MEGF6: variants seen among roughly 807,000 people sequenced by gnomAD.
MEGF6 encodes multiple epidermal growth factor-like domains protein 6.
In MEGF6, 184 loss-of-function variants were observed where a neutral mutation model predicts 207.1. That is an observed-to-expected ratio of 0.89 (90% CI 0.79 to 1.00). MEGF6 has a LOEUF of 1.00. Among genes scored for constraint, MEGF6 ranks in the 50% least tolerant of loss-of-function variants. The pLI is 0.00. For missense variants in MEGF6, 2,282 were observed against 2,202.9 expected, an observed-to-expected ratio of 1.04 and a Z score of -0.72; for synonymous variants, 1,038 against 910.0, an observed-to-expected ratio of 1.14 and a Z score of -2.53.
intron 26 of MEGF6, 117 bp from the exon 27 acceptor site, chr1:3,497,478 G>A (rs1557716791): frequency 7.8e-7 from 1 of 1,287,864 alleles, no homozygotes; most frequent in East Asian, 2.7e-5. Context: ...GCTGAACTGG[G>A]GGCTGTGCTC....
Position 3,505,563 on chromosome 1 carries a change from C to T in MEGF6, c.1919-7G>A. 6.4e-7 allele frequency: 1 copy of T among 1,564,668 alleles called. No homozygotes were observed. The highest frequency in any genetic ancestry group is 2.3e-5 in the East Asian group (1 of 42,900). On this transcript the variant is annotated splice_region_variant and splice_polypyrimidine_tract_variant and intron_variant, in intron 15 of 36. Transcript: ENST00000356575. ...AAGGCCCACGGCGGGCAGGCTGCAC[C>T]CACAGAACCGTTGAGGGGGGCTCCC...
chr1:3,505,998 G>T, intron 15 of MEGF6, 110 bp downstream of exon 15: 1 of 1,405,488 alleles, frequency 7.1e-7, no homozygotes, highest in Non-Finnish European at 9.5e-7. Flanking sequence ...GGGTGACCTG[G>T]CTGGGCCCCG....
In MEGF6 at chr1:3,509,884, C is replaced by T. The variant is rs1019813107; in HGVS notation, c.1343G>A (p.Arg448His). Residue 448 changes from arginine (R) to histidine (H), a missense_variant, in exon 11 of 37, where the codon CGT (arginine) becomes CAT (histidine). Transcript: ENST00000356575. ...GGGAGACTCACGGCTGCAGCCCCTA[C>T]GGTCCTCGTGCAGCCGGTAGCCGGC... is the stretch of plus-strand genomic sequence containing the variant. The part of the protein sequence containing the change: ...CEAGYRLHED[R>H]RGCSPLEEPM... 21 of 1,559,260 alleles carry T rather than the reference C, an allele frequency of 1.3e-5. No homozygotes were observed. The highest frequency in any genetic ancestry group is 9.5e-5 in the African/African-American group (7 of 73,714).
At position 3,541,326 on chromosome 1, in the gene MEGF6, A is replaced by G. The variant is rs554981043; in HGVS notation, c.482-17080T>C. On this transcript the variant is annotated intron_variant, in intron 4 of 36. Transcript: ENST00000356575. ...ATGACCACTCTTCCGGTTCAGCAAG[A>G]GCACATCGTCCCAGGAAGCAACAAA... Among the ~76,000 whole-genome samples the G allele has an allele frequency of 2.0e-5, 3 of 152,314 alleles. No homozygotes were observed. The East Asian group carries it at 5.8e-4, about 29-fold the overall frequency.
At chr1:3,545,407 G>A (rs905849310) in intron 4 of MEGF6, among the ~76,000 whole-genome samples, 9 of 152,138 alleles carry the variant, frequency 5.9e-5, no homozygotes, top group Non-Finnish European at 1.3e-4. Context: ...AAGCTGTCCC[G>A]CGCCTCCTGC....
chr1:3,500,117 G>A (rs1367590597), intron 21 of MEGF6, among the ~76,000 whole-genome samples, 193 bp from the exon 22 acceptor site: 7 of 152,218 alleles, frequency 4.6e-5, no homozygotes, highest in Non-Finnish European at 4.4e-5. Context: ...AGGCTTGAGG[G>A]GGCTCCAGGC....
At position 3,499,716 on chromosome 1, in the gene MEGF6, G is replaced by T; in HGVS notation, c.2837C>A (p.Ala946Asp). ...AGWRGTFCEH[A>D]CPAGFFGLDC... ...CAATCCAAAGAAGCCGGCCGGGCAGGCTGCAGACAGCGGGCAGTGATGTGG... is the reference window on the plus strand; with the variant it reads ...CAATCCAAAGAAGCCGGCCGGGCAGTCTGCAGACAGCGGGCAGTGATGTGG... Residue 946 changes from alanine to aspartate, a missense_variant and splice_region_variant, in exon 23 of 37, where the codon GCC becomes GAC. By Grantham distance (126) the Ala-to-Asp change is moderately radical. Transcript: ENST00000356575. The T allele has an allele frequency of 6.2e-7, 1 of 1,603,950 alleles. No individual in the cohort carries two copies. Among genetic ancestry groups the T allele is most frequent in the South Asian group, 1.1e-5 (1 of 89,362 alleles).
intron 1 of MEGF6, among the ~76,000 whole-genome samples, chr1:3,610,518 C>T (rs542821342): frequency 4.1e-4 from 63 of 151,858 alleles, no homozygotes; most frequent in African/African-American, 1.3e-3. Flanking sequence ...CGCACGTTTT[C>T]CTTTGAGGCC....
intron 4 of MEGF6, among the ~76,000 whole-genome samples, chr1:3,564,958 A>G (rs1643305396): frequency 6.6e-6 from 1 of 152,030 alleles, no homozygotes; most frequent in African/African-American, 2.4e-5. Context: ...GGCATTCTCC[A>G]GCCCCATATC....
chr1:3,577,870 C>A (rs534125258), intron 4 of MEGF6, among the ~76,000 whole-genome samples: 1 of 152,222 alleles, frequency 6.6e-6, no homozygotes, highest in African/African-American at 2.4e-5. Context: ...GCAGAGCCCT[C>A]GCCCCACGCT....
chr1:3,562,264 G>A (rs573449274), intron 4 of MEGF6, among the ~76,000 whole-genome samples: 9 of 152,108 alleles, frequency 5.9e-5, no homozygotes, highest in African/African-American at 1.7e-4. Context: ...CTTTGTCTCT[G>A]TCTTTTTCTC....
intron 3 of MEGF6, among the ~76,000 whole-genome samples, chr1:3,587,521 T>C (rs536520512): frequency 2.8e-4 from 43 of 152,382 alleles, no homozygotes; most frequent in African/African-American, 1.0e-3. Flanking sequence ...TAGTTTGCAA[T>C]GTTGACGGGC....
intron 35 of MEGF6, among the ~76,000 whole-genome samples, 153 bp downstream of exon 35, chr1:3,492,486 G>C (rs1056940016): frequency 2.0e-5 from 3 of 152,168 alleles, no homozygotes; most frequent in Non-Finnish European, 4.4e-5. Context: ...TCTGGGTACC[G>C]GGTGGGGACA....
Position 3,514,569 on chromosome 1 carries a change from C to A in MEGF6, c.834G>T (p.Ala278=). The change falls in exon 7 of 37, where the codon GCG becomes GCT. Residue 278 remains alanine, a synonymous_variant. Transcript: ENST00000356575. ...CECHVGYQLA[A]DGKACEDVDE... is the part of the protein sequence containing the mutation. ...TCCTACCTTCACAGGCCTTGCCGTC[C>A]GCTGCTAGCTGATAGCCCACGTGGC... is the stretch of plus-strand genomic sequence containing the variant. 6.3e-7 allele frequency: 1 copy of A among 1,590,984 alleles called. No individual in the cohort carries two copies. The highest frequency in any genetic ancestry group is 8.5e-7 in the Non-Finnish European group (1 of 1,171,568).
chr1:3,609,249 C>T (rs543253891), intron 1 of MEGF6, among the ~76,000 whole-genome samples: 2 of 152,336 alleles, frequency 1.3e-5, no homozygotes, highest in South Asian at 4.1e-4. Flanking sequence ...CTCCTTTCTG[C>T]TCCACAGAGT....
chr1:3,590,105 T>C (rs115790072), intron 3 of MEGF6, among the ~76,000 whole-genome samples: 1,921 of 152,252 alleles, frequency 0.013, 37 homozygotes, highest in African/African-American at 0.043. Context: ...ACAGCCCGTA[T>C]GAGGAGTTGC....
intron 4 of MEGF6, among the ~76,000 whole-genome samples, chr1:3,530,071 C>T (rs1045687222): frequency 1.3e-5 from 2 of 152,248 alleles, no homozygotes; most frequent in Non-Finnish European, 1.5e-5. Context: ...CAGCGACACC[C>T]AGCCAGAGGC....
At chr1:3,516,325 C>T (rs1033324239) in intron 5 of MEGF6, among the ~76,000 whole-genome samples, 2 of 152,224 alleles carry the variant, frequency 1.3e-5, no homozygotes, top group African/African-American at 2.4e-5. Context: ...AGCCCCTCAG[C>T]GGGGGTTTGG....
At chr1:3,575,501 A>C (rs1315657848) in intron 4 of MEGF6, among the ~76,000 whole-genome samples, 3 of 152,204 alleles carry the variant, frequency 2.0e-5, no homozygotes, top group Non-Finnish European at 2.9e-5. Context: ...CCAGGGTATT[A>C]GTCCGTTTTC....
Sources: allele counts gnomAD v4.1 joint callset (sites outside exome capture counted in the v4.1 genomes callset), GRCh38; gene constraint gnomAD v4.1.1; transcripts MANE v1.5; gene names NCBI Gene and HGNC (gene_info 2026-07-23, HGNC 2026-07-21).